GALNT13: variants seen among roughly 807,000 people sequenced by gnomAD.
The protein encoded by GALNT13 is polypeptide N-acetylgalactosaminyltransferase 13.
A neutral mutation model predicts 64.2 loss-of-function variants in GALNT13; 28 were observed. The ratio of observed to expected loss-of-function variants is 0.44; its 90% CI spans 0.32 to 0.60. The LOEUF (loss-of-function observed/expected upper bound fraction) is 0.60, where lower values mean the gene tolerates loss of function less well. Ranked by LOEUF, GALNT13 falls within the 20% of genes least tolerant of loss-of-function variation. The pLI is 0.05. For synonymous variants in GALNT13, 214 were observed against 224.6 expected (o/e 0.95, Z 0.42); for missense variants, 577 against 669.8 (o/e 0.86, Z 1.53).
the GALNT13 span, among the ~76,000 whole-genome samples, chr2:153,359,721 A>G: frequency 2.0e-5 from 3 of 151,668 alleles, no homozygotes; most frequent in African/African-American, 2.4e-5. Flanking sequence ...TAATTAGAAT[A>G]AAACTCAGAT....
At chr2:154,191,008 A>G (rs1161445510) in intron 4 of GALNT13, among the ~76,000 whole-genome samples, 1 of 152,194 alleles carries the variant, frequency 6.6e-6, no homozygotes, top group Non-Finnish European at 1.5e-5. Flanking sequence ...CTCAATAGCC[A>G]CATGCTTCTA....
the GALNT13 span, among the ~76,000 whole-genome samples, chr2:153,646,511 G>A: frequency 1.3e-5 from 2 of 151,140 alleles, no homozygotes; most frequent in African/African-American, 2.4e-5. Context: ...TGTGCACAAC[G>A]TGCAAGTTTG....
chr2:154,314,935 AT>A (rs926389262), intron 9 of GALNT13, among the ~76,000 whole-genome samples: 39 of 152,104 alleles, frequency 2.6e-4, no homozygotes, highest in Non-Finnish European at 4.4e-5. Context: ...TGTTATACTC[AT>A]TTTTTGGCTA....
chr2:153,947,186 A>G (rs1691818462), intron 3 of GALNT13, among the ~76,000 whole-genome samples: 1 of 152,030 alleles, frequency 6.6e-6, no homozygotes, highest in African/African-American at 2.4e-5. Context: ...ATTATTTATT[A>G]AGTTCTTACT....
the GALNT13 span, among the ~76,000 whole-genome samples, chr2:153,460,752 A>T: frequency 6.6e-6 from 1 of 152,176 alleles, no homozygotes; most frequent in Non-Finnish European, 1.5e-5. Context: ...CTGACTAAAT[A>T]GAATGCATTA....
At chr2:154,024,496 C>T (rs542682025) in intron 3 of GALNT13, among the ~76,000 whole-genome samples, 8 of 152,306 alleles carry the variant, frequency 5.3e-5, no homozygotes, top group South Asian at 2.1e-4. Context: ...GCTCCTGAGG[C>T]GTCTGCATTC....
the GALNT13 span, among the ~76,000 whole-genome samples, chr2:153,112,073 A>G: frequency 1.3e-5 from 2 of 152,118 alleles, no homozygotes; most frequent in African/African-American, 4.8e-5. Flanking sequence ...TACTGTTAGG[A>G]AGAGACACTT....
chr2:153,566,175 TATTTC>T, the GALNT13 span, among the ~76,000 whole-genome samples: 1 of 152,090 alleles, frequency 6.6e-6, no homozygotes. Context: ...ATTTGGAAAA[TATTTC>T]ATTATAACAT....
chr2:153,542,255 G>T, the GALNT13 span, among the ~76,000 whole-genome samples: 1 of 152,066 alleles, frequency 6.6e-6, no homozygotes, highest in Non-Finnish European at 1.5e-5. Context: ...AGGAGGTGGA[G>T]GTTGCAGTGA....
At chr2:154,062,117 C>G (rs917379511) in intron 3 of GALNT13, among the ~76,000 whole-genome samples, 1 of 152,062 alleles carries the variant, frequency 6.6e-6, no homozygotes, top group Non-Finnish European at 1.5e-5. Context: ...GATATTTTCT[C>G]TCTTTGCCTA....
chr2:153,319,354 C>T, the GALNT13 span, among the ~76,000 whole-genome samples: 5 of 152,092 alleles, frequency 3.3e-5, no homozygotes, highest in East Asian at 1.9e-4. Context: ...GGCTCATTGC[C>T]GCCTCAAACT....
chr2:153,505,307 T>A, the GALNT13 span, among the ~76,000 whole-genome samples: 6 of 152,324 alleles, frequency 3.9e-5, no homozygotes, highest in Middle Eastern at 3.4e-3. Flanking sequence ...ATTTTATTTA[T>A]CTTTTCAAAC....
At chr2:153,586,970 G>T in the GALNT13 span, among the ~76,000 whole-genome samples, 1 of 152,124 alleles carries the variant, frequency 6.6e-6, no homozygotes, top group South Asian at 2.1e-4. Context: ...AGTGGCTCAA[G>T]CCTGTAATAT....
intron 3 of GALNT13, among the ~76,000 whole-genome samples, chr2:154,125,675 A>G (rs955856015): frequency 6.6e-6 from 1 of 152,200 alleles, no homozygotes; most frequent in Non-Finnish European, 1.5e-5. Context: ...AACTCTAAGG[A>G]AAAAGATTTT....
chr2:153,819,704 A>G, the GALNT13 span, among the ~76,000 whole-genome samples: 1 of 152,304 alleles, frequency 6.6e-6, no homozygotes, highest in South Asian at 2.1e-4. Flanking sequence ...AGCACCATCT[A>G]CTGGCCAGTC....
At chr2:153,495,608 A>G in the GALNT13 span, among the ~76,000 whole-genome samples, 1 of 152,232 alleles carries the variant, frequency 6.6e-6, no homozygotes, top group African/African-American at 2.4e-5. Context: ...CAAACAACAT[A>G]TTGGATGAAT....
chr2:154,254,808 A>G (rs936398687), intron 7 of GALNT13, among the ~76,000 whole-genome samples: 1 of 152,160 alleles, frequency 6.6e-6, no homozygotes, highest in Non-Finnish European at 1.5e-5. Context: ...GGAAACAAGT[A>G]TGGAAACACA....
At chr2:153,959,388 C>T (rs1692789348) in intron 3 of GALNT13, among the ~76,000 whole-genome samples, 2 of 152,094 alleles carry the variant, frequency 1.3e-5, no homozygotes, top group Non-Finnish European at 1.5e-5. Flanking sequence ...AAGTGTACTG[C>T]CTTAATTGTC....
chr2:153,657,442 C>A, the GALNT13 span, among the ~76,000 whole-genome samples: 10 of 151,916 alleles, frequency 6.6e-5, no homozygotes, highest in Admixed American at 3.3e-4. Flanking sequence ...TGTGCCTTAC[C>A]CACATTTAAT....
Sources: allele counts gnomAD v4.1 joint callset (sites outside exome capture counted in the v4.1 genomes callset), GRCh38; gene constraint gnomAD v4.1.1; transcripts MANE v1.5; gene names NCBI Gene and HGNC (gene_info 2026-07-23, HGNC 2026-07-21).